The following GAD1 variants were observed in gnomAD, a reference collection of about 807,000 sequenced individuals.
GAD1 encodes glutamate decarboxylase 1.
In GAD1, 35 loss-of-function variants were observed where a neutral mutation model predicts 75.2. The ratio of observed to expected loss-of-function variants is 0.47; its 90% CI spans 0.36 to 0.62. The LOEUF is 0.62. GAD1 is among the 20% of genes least tolerant of loss of function. The pLI is 0.00. For missense variants in GAD1, 490 were observed against 758.5 expected (o/e 0.65, Z 4.16); for synonymous variants, 257 against 271.9 (o/e 0.95, Z 0.54).
intron 4 of GAD1, among the ~76,000 whole-genome samples, chr2:170,830,629 C>T (rs187018382): frequency 1.3e-5 from 2 of 152,300 alleles, no homozygotes; most frequent in Admixed American, 1.3e-4. Context: ...GACAGATGCC[C>T]CCTCCATCAC....
chr2:170,818,409 C>T lies in GAD1; in HGVS notation c.-63-120C>T. 1.5e-6 allele frequency: 1 copy of T among 651,598 alleles called. No individual in the cohort carries two copies. The highest frequency in any genetic ancestry group is 1.8e-5 in the South Asian group (1 of 56,976). 40.4% of individuals were successfully genotyped at this position (651,598 alleles called of 1,614,324 possible). A position where few individuals can be genotyped will look rare whatever the true frequency, so the allele number is the denominator to read the frequency against. On this transcript the variant is annotated intron_variant, in intron 1 of 16. Coordinates refer to ENST00000358196, the MANE Select transcript of GAD1 (RefSeq NM_000817.3). This position sits in a 1 kb window ranked among gnomAD's most constrained non-coding sequence, Gnocchi z 5.9. ...ACCAGGCAGGCTCGCTGCCTTTCCT[C>T]CCTCTTGTCTCTCCAGAGCCGGATC...
chr2:170,845,990 C>G lies in GAD1; in HGVS notation c.948-19C>G, dbSNP rs374700052. Reference sequence around the variant, plus strand: ...ATTGACTCTTCATTTTAATTTCCCTCCTTTTCCAATAATTATAGGGGGAAA... The same window carrying G: ...ATTGACTCTTCATTTTAATTTCCCTGCTTTTCCAATAATTATAGGGGGAAA... On this transcript the variant is annotated intron_variant, in intron 9 of 16. Coordinates refer to ENST00000358196, the MANE Select transcript of GAD1 (RefSeq NM_000817.3). 1 of 1,610,368 alleles carries G rather than the reference C, an allele frequency of 6.2e-7. No individual in the cohort carries two copies. Among genetic ancestry groups the G allele is most frequent in the African/African-American group, 1.3e-5 (1 of 74,792 alleles).
chr2:170,858,804 C>A lies in GAD1; in HGVS notation c.1522C>A (p.Pro508Thr), dbSNP rs1346304196. 1 of 1,613,958 alleles carries A rather than the reference C, an allele frequency of 6.2e-7. No homozygotes were observed. Among genetic ancestry groups the A allele is most frequent in the Non-Finnish European group, 8.5e-7 (1 of 1,179,830 alleles). Residue 508 changes from proline (P) to threonine (T), a missense_variant and splice_region_variant, in exon 16 of 17, where the codon CCT becomes ACT. Pro to Thr is a conservative substitution (Grantham distance 38). Coordinates refer to ENST00000358196, the MANE Select transcript of GAD1 (RefSeq NM_000817.3). ...TGTTTGTCTTTTAAAATCTCTGCAG[C>A]CTGAGCACACAAACGTCTGTTTTTG... Reference protein sequence around the residue: ...EEFEMVFNGEPEHTNVCFWYI... With the variant: ...EEFEMVFNGETEHTNVCFWYI...
chr2:170,814,316 C>A (rs12185692), upstream of GAD1, among the ~76,000 whole-genome samples: 50,186 of 151,814 alleles, frequency 0.33, 9,164 homozygotes, highest in Non-Finnish European at 0.42. Flanking sequence ...TAGCTATTGG[C>A]GGAAGCAAAC....
intron 6 of GAD1, among the ~76,000 whole-genome samples, chr2:170,838,277 C>T (rs1259946174): frequency 2.0e-5 from 3 of 152,122 alleles, no homozygotes; most frequent in Non-Finnish European, 4.4e-5. Flanking sequence ...GAATACAGGT[C>T]AAAGATACAG....
At chr2:170,850,822 T>C (rs1702731112) in intron 12 of GAD1, among the ~76,000 whole-genome samples, 1 of 152,182 alleles carries the variant, frequency 6.6e-6, no homozygotes, top group Non-Finnish European at 1.5e-5. Context: ...GGGACCAGCC[T>C]GGCCAACATG....
chr2:170,826,752 CAG>C (rs1382718600), intron 3 of GAD1, among the ~76,000 whole-genome samples: 2 of 152,086 alleles, frequency 1.3e-5, no homozygotes, highest in African/African-American at 2.4e-5. Flanking sequence ...TCGGGGACAA[CAG>C]AGTGGAGGTT....
In GAD1 at chr2:170,829,708, T is replaced by A. The variant is rs752664966; in HGVS notation, c.304+75T>A. On this transcript the variant is annotated intron_variant, in intron 4 of 16. Coordinates refer to ENST00000358196, the MANE Select transcript of GAD1 (RefSeq NM_000817.3). ...TGAGTTTCTTGACTTTTTCCTGCAA[T>A]TTTACTTCTTTTATCAAGAAATGTC... 7.5e-6 allele frequency: 11 copies of A among 1,469,958 alleles called. 1 individual carries two copies. The Admixed American group carries it at 1.9e-4, about 26-fold the overall frequency. The allele number at this position is 1,469,958 out of a possible 1,614,324, so 91.1% of individuals were successfully genotyped here. A position where few individuals can be genotyped will look rare whatever the true frequency, so the allele number is the denominator to read the frequency against.
chr2:170,855,637 G>A (rs912670639), intron 14 of GAD1, among the ~76,000 whole-genome samples: 1 of 151,862 alleles, frequency 6.6e-6, no homozygotes, highest in Non-Finnish European at 1.5e-5. Context: ...CACTTTAGGA[G>A]GCCAAGGCAG....
chr2:170,857,466 C>G (rs1478376126), intron 15 of GAD1, among the ~76,000 whole-genome samples: 1 of 152,026 alleles, frequency 6.6e-6, no homozygotes, highest in African/African-American at 2.4e-5. Flanking sequence ...GTTTTTCAGG[C>G]TGGGCATGGT....
At chr2:170,815,840 T>C (rs1266238173), upstream of GAD1, among the ~76,000 whole-genome samples, 1 of 152,204 alleles carries the variant, frequency 6.6e-6, no homozygotes, top group East Asian at 1.9e-4. Context: ...AGGTGTGGGC[T>C]CCGCTCGGGC....
intron 4 of GAD1, among the ~76,000 whole-genome samples, chr2:170,830,272 T>C (rs1702188196): frequency 6.6e-6 from 1 of 152,030 alleles, no homozygotes; most frequent in South Asian, 2.1e-4. Context: ...CGTGCACAAC[T>C]GCACAGCCTG....
intron 12 of GAD1, 174 bp from the exon 13 acceptor site, chr2:170,852,540 T>C (rs1702765691): frequency 1.5e-6 from 1 of 665,450 alleles, no homozygotes; most frequent in African/African-American, 1.8e-5. Flanking sequence ...TAGTCCGTAA[T>C]GTAATACTCC....
rs1315749662 is a variant in GAD1 at position 170,849,074 on chromosome 2, AG to A, written c.1120-211del. ...CCTGGCCTAGCTGTATCACTTGTGC[AG>A]CTAAAGTCCAGAGGAACTTTGAAAA... On this transcript the variant is annotated intron_variant, in intron 11 of 16. Transcript: ENST00000358196. 3 of 628,778 alleles carry A rather than the reference AG, an allele frequency of 4.8e-6. No individual in the cohort carries two copies. The African/African-American group carries it at 5.4e-5, about 11-fold the overall frequency. The allele number at this position is 628,778 out of a possible 1,614,324, so 38.9% of individuals were successfully genotyped here.
rs3749034 is a variant in GAD1 at position 170,816,965 on chromosome 2, G to A, written c.-147G>A. On this transcript the variant is annotated 5_prime_UTR_variant, in exon 1 of 17. Transcript: ENST00000358196. ...CTGGAGGTGACGCCGGGCAGATTACGCCTGTCAGGGCCGAGCCGAGCGGAT... is the reference window on the plus strand; with the variant it reads ...CTGGAGGTGACGCCGGGCAGATTACACCTGTCAGGGCCGAGCCGAGCGGAT... The A allele has an allele frequency of 0.19, 36,691 of 195,752 alleles. 4,099 individuals are homozygous for A. Among genetic ancestry groups the A allele is most frequent in the East Asian group, 0.28 (2,711 of 9,568 alleles). 12.1% of individuals were successfully genotyped at this position (195,752 alleles called of 1,614,324 possible).
intron 11 of GAD1, 32 bp downstream of exon 11, chr2:170,847,824 T>C (rs1217436803): frequency 1.4e-6 from 2 of 1,460,760 alleles, no homozygotes; most frequent in Non-Finnish European, 1.9e-6. Flanking sequence ...CCAGTCCATG[T>C]GGGGGGTGGA....
At position 170,857,086 on chromosome 2, in the gene GAD1, T is replaced by A; in HGVS notation, c.1482T>A (p.Ile494=). The change falls in exon 15 of 17, where the codon ATT becomes ATA. Residue 494 remains isoleucine (I), a synonymous_variant. Transcript: ENST00000358196. ...LELAEYLYAK[I]KNREEFEMVF... Reference sequence around the variant, plus strand: ...TGGCTGAATACCTCTATGCCAAGATTAAAAACAGAGAAGAATTTGAGATGG... The same window carrying A: ...TGGCTGAATACCTCTATGCCAAGATAAAAAACAGAGAAGAATTTGAGATGG... 1.2e-6 allele frequency: 2 copies of A among 1,613,814 alleles called. No homozygotes were observed. The highest frequency in any genetic ancestry group is 2.2e-5 in the South Asian group (2 of 91,066).
intron 5 of GAD1, among the ~76,000 whole-genome samples, chr2:170,832,553 CAT>C (rs1288545784): frequency 1.3e-5 from 2 of 152,156 alleles, no homozygotes; most frequent in Non-Finnish European, 2.9e-5. Context: ...AGGACTTGAA[CAT>C]ATCTTTTTGA....
chr2:170,815,688 C>T (rs1012502245), upstream of GAD1, among the ~76,000 whole-genome samples: 4 of 152,132 alleles, frequency 2.6e-5, no homozygotes, highest in Non-Finnish European at 2.9e-5. Context: ...ACGGTGTCAC[C>T]CAGACACGCA....
Sources: allele counts gnomAD v4.1 joint callset (sites outside exome capture counted in the v4.1 genomes callset), GRCh38; gene constraint gnomAD v4.1.1; non-coding constraint Gnocchi (gnomAD v3.1); transcripts MANE v1.5; gene names NCBI Gene and HGNC (gene_info 2026-07-23, HGNC 2026-07-21).